PKHD1: variants seen among roughly 807,000 people sequenced by gnomAD.
PKHD1 encodes the protein fibrocystin.
In PKHD1, 291 loss-of-function variants were observed where a neutral mutation model predicts 412.0. The observed-to-expected ratio is 0.71, with a 90% confidence interval of 0.64 to 0.78. The LOEUF (loss-of-function observed/expected upper bound fraction) is 0.78, where lower values mean the gene tolerates loss of function less well. Among genes scored for constraint, PKHD1 ranks in the 30% least tolerant of loss-of-function variants. PKHD1 has a pLI of 0.00. For missense variants in PKHD1, 4,825 were observed against 4,950.7 expected (o/e 0.97, Z 0.76); for synonymous variants, 1,777 against 1,821.5 (o/e 0.98, Z 0.62).
rs999469300 is a variant in PKHD1, at chr6:51,669,910, G to T, written c.10157-9941C>A. ...AGTTTGATTGCACTGTGGTCTGAGAGATAGTTTGTTATAATTTCTGTTCTT... is the reference window on the plus strand; with the variant it reads ...AGTTTGATTGCACTGTGGTCTGAGATATAGTTTGTTATAATTTCTGTTCTT... On this transcript the variant is annotated intron_variant, in intron 60 of 66. Coordinates refer to ENST00000371117, the MANE Select transcript of PKHD1 (RefSeq NM_138694.4). Among the ~76,000 whole-genome samples, 12 of 144,574 alleles carry T rather than the reference G, an allele frequency of 8.3e-5. 1 individual carries two copies. The highest frequency in any genetic ancestry group is 2.6e-4 in the African/African-American group (10 of 38,420). 94.8% of individuals were successfully genotyped at this position (144,574 alleles called of 152,430 possible). A position where few individuals can be genotyped will look rare whatever the true frequency, so the allele number is the denominator to read the frequency against.
chr6:51,944,033 C>G (rs564309254), intron 36 of PKHD1, among the ~76,000 whole-genome samples: 1 of 151,914 alleles, frequency 6.6e-6, no homozygotes, highest in Non-Finnish European at 1.5e-5. Context: ...GTGACCTGCA[C>G]GTATACATCC....
chr6:51,735,086 G>A (rs1783675857), intron 60 of PKHD1, among the ~76,000 whole-genome samples: 1 of 152,150 alleles, frequency 6.6e-6, no homozygotes, highest in Admixed American at 6.5e-5. Context: ...ACAGTTACTT[G>A]TTAAACTCTA....
At chr6:51,706,024 G>T (rs1255284599) in intron 60 of PKHD1, among the ~76,000 whole-genome samples, 1 of 152,218 alleles carries the variant, frequency 6.6e-6, no homozygotes, top group South Asian at 2.1e-4. Context: ...AGCATTTACA[G>T]ATATTAAATG....
At chr6:52,072,494 C>T (rs1294858777) in intron 7 of PKHD1, among the ~76,000 whole-genome samples, 2 of 152,222 alleles carry the variant, frequency 1.3e-5, no homozygotes, top group East Asian at 3.9e-4. Context: ...GCCTTTATTC[C>T]CCCTTTCAAA....
intron 66 of PKHD1, chr6:51,622,917 T>C (rs1766804516): frequency 6.6e-6 from 1 of 152,158 alleles, no homozygotes; most frequent in African/African-American, 2.4e-5. Context: ...TTATTATATA[T>C]TTCATTCCTG....
chr6:51,794,046 ACTT>A (rs1250324151), intron 52 of PKHD1, among the ~76,000 whole-genome samples: 3 of 104,610 alleles, frequency 2.9e-5, no homozygotes, highest in African/African-American at 3.3e-5. Context: ...TTGCTTTTTG[ACTT>A]TTTTTTTTTT....
Position 51,923,531 on chromosome 6 carries a change from C to T in PKHD1, c.6121+10579G>A, listed in dbSNP as rs115276934. On this transcript the variant is annotated intron_variant, in intron 37 of 66. Transcript: ENST00000371117. ...TGTGAAAAAAAAGAAAAAAAAAAAA[C>T]AATAAAAGTACCAAAAAACAAGTAG... Among the ~76,000 whole-genome samples, 1,036 of 146,012 alleles carry T rather than the reference C, an allele frequency of 7.1e-3. 11 individuals are homozygous for T. Among genetic ancestry groups the T allele is most frequent in the African/African-American group, 0.025 (979 of 39,916 alleles).
chr6:52,083,375 A>C (rs1812318021), intron 2 of PKHD1, 120 bp from the exon 3 acceptor site: 3 of 739,760 alleles, frequency 4.1e-6, no homozygotes, highest in Admixed American at 3.9e-5. Flanking sequence ...GATTAAGCAC[A>C]GGTGGTTGCA....
rs759072164 is a variant in PKHD1 at position 51,832,330 on chromosome 6, GA to G, written c.8174-1342del. 4.6e-3 allele frequency among the ~76,000 whole-genome samples: 705 copies of G among 152,182 alleles called. 3 individuals are homozygous for G. Among genetic ancestry groups the G allele is most frequent in the Admixed American group, 8.3e-3 (127 of 15,266 alleles). ...AAAGGGGAGGTTGTGATGAGTGTAT[GA>G]CAAGAGGGTTGCACTGCAGACAGAA... is the stretch of plus-strand genomic sequence containing the variant. On this transcript the variant is annotated intron_variant, in intron 51 of 66. Transcript: ENST00000371117.
At chr6:51,758,053 A>AGAGAGAGAG (rs1491172795) in intron 55 of PKHD1, among the ~76,000 whole-genome samples, 29 of 148,450 alleles carry the variant, frequency 2.0e-4, no homozygotes, top group African/African-American at 3.9e-4. Flanking sequence ...AGAGAGAGAG[A>AGAGAGAGAG]AAACAAAGCA....
chr6:51,659,428 A>C lies in PKHD1; in HGVS notation c.10698T>G (p.Thr3566=). Reference sequence around the variant, plus strand: ...CTTTTTCTAAGACTGAAACCATCACAGTGAGGGCCAAGTGAATGGAAACAC... The same window carrying C: ...CTTTTTCTAAGACTGAAACCATCACCGTGAGGGCCAAGTGAATGGAAACAC... ...RSGVSIHLAL[T]VMVSVLEKGW... The change falls in exon 61 of 67, where the codon ACT becomes ACG. Residue 3566 remains threonine (T), a synonymous_variant. Transcript: ENST00000371117. 2 of 1,613,692 alleles carry C rather than the reference A, an allele frequency of 1.2e-6. No homozygotes were observed. Among genetic ancestry groups the C allele is most frequent in the Non-Finnish European group, 8.5e-7 (1 of 1,179,832 alleles).
intron 23 of PKHD1, among the ~76,000 whole-genome samples, chr6:52,047,448 A>C (rs1806038372): frequency 6.6e-6 from 1 of 152,188 alleles, no homozygotes; most frequent in South Asian, 2.1e-4. Context: ...GCCCCTCTCA[A>C]GTTCTACTGA....
At chr6:52,010,759 T>G (rs1799702122) in intron 34 of PKHD1, among the ~76,000 whole-genome samples, 1 of 152,176 alleles carries the variant, frequency 6.6e-6, no homozygotes, top group African/African-American at 2.4e-5. Context: ...TAACAAGAAA[T>G]GCAGGGACAA....
intron 5 of PKHD1, among the ~76,000 whole-genome samples, chr6:52,077,228 AG>A (rs1239197231): frequency 6.6e-6 from 1 of 152,198 alleles, no homozygotes; most frequent in Non-Finnish European, 1.5e-5. Context: ...AGGCAATCCC[AG>A]GAACTCCATC....
intron 36 of PKHD1, among the ~76,000 whole-genome samples, chr6:51,956,248 G>C (rs1791105939): frequency 6.6e-6 from 1 of 151,758 alleles, no homozygotes; most frequent in Admixed American, 6.6e-5. Context: ...TACATATTTT[G>C]CGTGTGTAAA....
intron 35 of PKHD1, among the ~76,000 whole-genome samples, chr6:51,988,748 T>C (rs576793479): frequency 6.6e-5 from 10 of 152,266 alleles, no homozygotes; most frequent in African/African-American, 9.6e-5. Flanking sequence ...ATCACCATCA[T>C]TGAGGGGAAA....
chr6:51,655,208 G>A lies in PKHD1; in HGVS notation c.11174+3744C>T, dbSNP rs143312295. Among the ~76,000 whole-genome samples the A allele has an allele frequency of 7.1e-3, 1,076 of 152,164 alleles. 10 individuals carry two copies. Among genetic ancestry groups the A allele is most frequent in the African/African-American group, 0.024 (992 of 41,530 alleles). On this transcript the variant is annotated intron_variant, in intron 61 of 66. Coordinates refer to ENST00000371117, the MANE Select transcript of PKHD1 (RefSeq NM_138694.4). ...TCTCTTCTAGGATGAACATTCTGCC[G>A]GTCTGGAAAAGAACATACTTCCTTG...
intron 34 of PKHD1, among the ~76,000 whole-genome samples, chr6:52,016,008 T>G (rs1040123011): frequency 6.6e-6 from 1 of 152,238 alleles, no homozygotes; most frequent in Middle Eastern, 3.4e-3. Flanking sequence ...AGAAGAGTTT[T>G]GGGGATTCAG....
intron 34 of PKHD1, among the ~76,000 whole-genome samples, chr6:52,015,184 T>A (rs1169147278): frequency 6.6e-6 from 1 of 152,246 alleles, no homozygotes; most frequent in African/African-American, 2.4e-5. Context: ...TTCTACATCC[T>A]AATTTTTAAA....
Sources: allele counts gnomAD v4.1 joint callset (sites outside exome capture counted in the v4.1 genomes callset), GRCh38; gene constraint gnomAD v4.1.1; transcripts MANE v1.5; gene names NCBI Gene and HGNC (gene_info 2026-07-23, HGNC 2026-07-21).